Variants in RAB27A observed in about 807,000 individuals in gnomAD.
RAB27A encodes RAB27A, member RAS oncogene family.
RAB27A carries 17 observed loss-of-function variants against 20.8 expected under a neutral mutation model. The ratio of observed to expected loss-of-function variants is 0.82; its 90% CI spans 0.56 to 1.23. The LOEUF is 1.23. Ranked by LOEUF, RAB27A falls within the 50% of genes most tolerant of loss-of-function variation. RAB27A has a pLI of 0.00. For synonymous variants in RAB27A, 85 were observed against 92.8 expected (o/e 0.92, Z 0.48); for missense variants, 277 against 266.7 (o/e 1.04, Z -0.27).
At chr15:55,223,787 G>A in intron 6 of RAB27A, 102 bp downstream of exon 6, 3 of 1,410,114 alleles carry the variant, frequency 2.1e-6, no homozygotes, top group Admixed American at 1.7e-5. Flanking sequence ...CTATGGCTGA[G>A]GTTTTGCTTT....
At chr15:55,272,103 A>G (rs1426823313) in intron 1 of RAB27A, among the ~76,000 whole-genome samples, 1 of 152,190 alleles carries the variant, frequency 6.6e-6, no homozygotes, top group Non-Finnish European at 1.5e-5. Context: ...ACAAGTTCAT[A>G]TTAGCACTTC....
In RAB27A at chr15:55,234,782, C is replaced by T. The variant is rs1331587655; in HGVS notation, c.153G>A (p.Val51=). The change falls in exon 3 of 7, where the codon GTG becomes GTA. Residue 51 remains valine (V), a splice_region_variant and synonymous_variant. Transcript: ENST00000336787. The part of the protein sequence containing the change: ...TVGIDFREKR[V]VYRASGPDGA... ...TTACATAGAAGGATATAGAACTTAC[C>T]ACTCTTTTTTCCCTGAAATCAATGC... is the stretch of plus-strand genomic sequence containing the variant. The T allele has an allele frequency of 2.5e-6, 4 of 1,608,528 alleles. No individual in the cohort carries two copies. The highest frequency in any genetic ancestry group is 1.3e-5 in the African/African-American group (1 of 74,834).
chr15:55,280,681 C>T (rs1283366490), intron 1 of RAB27A, among the ~76,000 whole-genome samples: 1 of 151,778 alleles, frequency 6.6e-6, no homozygotes, highest in Non-Finnish European at 1.5e-5. Flanking sequence ...TGAGAGGCCC[C>T]GGTGTGTGAT....
chr15:55,224,029 G>C lies in RAB27A; in HGVS notation c.344-17C>G, dbSNP rs1422880460. ...GTAGCTGGCCTATTAATATAAGAAA[G>C]TTTATTATATATGTAAATAATAATG... On this transcript the variant is annotated splice_polypyrimidine_tract_variant and intron_variant, in intron 5 of 6. Transcript: ENST00000336787. The C allele has an allele frequency of 6.6e-7, 1 of 1,526,446 alleles. No individual in the cohort carries two copies. Among genetic ancestry groups the C allele is most frequent in the Non-Finnish European group, 9.1e-7 (1 of 1,102,370 alleles). The allele number at this position is 1,526,446 out of a possible 1,614,324, so 94.6% of individuals were successfully genotyped here. A position where few individuals can be genotyped will look rare whatever the true frequency, so the allele number is the denominator to read the frequency against.
intron 6 of RAB27A, among the ~76,000 whole-genome samples, chr15:55,208,353 C>A (rs1894752387): frequency 6.6e-6 from 1 of 152,086 alleles, no homozygotes; most frequent in Non-Finnish European, 1.5e-5. Context: ...TAAAAGTAAC[C>A]GAAAATTGTG....
At chr15:55,244,508 C>T (rs546539511) in intron 2 of RAB27A, among the ~76,000 whole-genome samples, 10 of 152,084 alleles carry the variant, frequency 6.6e-5, no homozygotes, top group East Asian at 1.9e-4. Flanking sequence ...GGGGAGATGA[C>T]GTCTCCCTAT....
rs537889492 is a variant in RAB27A at position 55,307,923 on chromosome 15, G to A, written c.-112+6116C>T. Among the ~76,000 whole-genome samples the A allele has an allele frequency of 2.6e-5, 4 of 151,924 alleles. No individual in the cohort carries two copies. In the South Asian group the frequency reaches 8.3e-4, roughly 32 times the overall value. ...GGGTGCTATCAATGCCTAAGTGAAA[G>A]GTTTGCTGAAGGGTTTTAAGTAATT... On this transcript the variant is annotated intron_variant, in intron 2 of 5. Transcript: ENST00000563262.
upstream of RAB27A, among the ~76,000 whole-genome samples, chr15:55,292,329 A>G (rs182056441): frequency 2.6e-5 from 4 of 152,348 alleles, no homozygotes; most frequent in Admixed American, 2.6e-4. Context: ...AAAGCGATTA[A>G]GCAGTCTGAC....
intron 6 of RAB27A, among the ~76,000 whole-genome samples, chr15:55,218,808 T>A (rs1282105399): frequency 6.6e-6 from 1 of 151,758 alleles, no homozygotes; most frequent in African/African-American, 2.4e-5. Context: ...AATGGTGTGA[T>A]CTTGGCTCAC....
At chr15:55,235,698 C>A (rs1191241371) in intron 2 of RAB27A, among the ~76,000 whole-genome samples, 3 of 151,974 alleles carry the variant, frequency 2.0e-5, no homozygotes, top group Non-Finnish European at 4.4e-5. Context: ...TCTCCTAGTG[C>A]TAAAATTTGC....
At chr15:55,261,841 C>T (rs1472474604) in intron 2 of RAB27A, among the ~76,000 whole-genome samples, 1 of 151,200 alleles carries the variant, frequency 6.6e-6, no homozygotes, top group Non-Finnish European at 1.5e-5. Context: ...AGTTCAAAAC[C>T]AGCCTGGCCA....
upstream of RAB27A, among the ~76,000 whole-genome samples, chr15:55,291,307 G>A (rs183721689): frequency 1.3e-5 from 2 of 151,970 alleles, no homozygotes; most frequent in African/African-American, 4.8e-5. Context: ...TCAGGAGATC[G>A]AGACCATCCT....
At chr15:55,277,610 T>C (rs1214601961) in intron 1 of RAB27A, among the ~76,000 whole-genome samples, 1 of 152,156 alleles carries the variant, frequency 6.6e-6, no homozygotes, top group Non-Finnish European at 1.5e-5. Context: ...CCCCTTCCGA[T>C]GCACTGTTTT....
intron 1 of RAB27A, chr15:55,318,881 A>G (rs1047907741): frequency 5.0e-6 from 1 of 199,520 alleles, no homozygotes; most frequent in Non-Finnish European, 1.0e-5. Flanking sequence ...GTTAACACCA[A>G]CACTGACGTC....
chr15:55,223,278 G>C (rs146357192), intron 6 of RAB27A, among the ~76,000 whole-genome samples: 1 of 151,978 alleles, frequency 6.6e-6, no homozygotes, highest in African/African-American at 2.4e-5. Flanking sequence ...AGGCTGAGGC[G>C]GGTGGGTCAC....
At chr15:55,253,971 G>C (rs1263254059) in intron 2 of RAB27A, among the ~76,000 whole-genome samples, 1 of 152,010 alleles carries the variant, frequency 6.6e-6, no homozygotes, top group African/African-American at 2.4e-5. Context: ...GAGTGTTCAG[G>C]GGAAATCACA....
At chr15:55,290,781 C>T (rs1898287907), upstream of RAB27A, among the ~76,000 whole-genome samples, 1 of 152,236 alleles carries the variant, frequency 6.6e-6, no homozygotes, top group Admixed American at 6.5e-5. Context: ...AGCCCTTGGG[C>T]CTGTCCCTAT....
chr15:55,259,180 G>T (rs1897187689), intron 2 of RAB27A, among the ~76,000 whole-genome samples: 1 of 151,844 alleles, frequency 6.6e-6, no homozygotes, highest in Non-Finnish European at 1.5e-5. Flanking sequence ...AGTTATGTAT[G>T]TTGCAAATAT....
In RAB27A at chr15:55,228,602, C is replaced by T; in HGVS notation, c.343+7G>A. ...GTAGCAGGACACTGGGGAACAATAACACTTACTTATCCAGTTTCTGACATT... is the reference window on the plus strand; with the variant it reads ...GTAGCAGGACACTGGGGAACAATAATACTTACTTATCCAGTTTCTGACATT... On this transcript the variant is annotated splice_region_variant and intron_variant, in intron 5 of 6. Coordinates refer to ENST00000336787, the MANE Select transcript of RAB27A (RefSeq NM_183235.3). 2.5e-6 allele frequency: 4 copies of T among 1,574,458 alleles called. No homozygotes were observed. The highest frequency in any genetic ancestry group is 3.5e-6 in the Non-Finnish European group (4 of 1,143,958).
Sources: allele counts gnomAD v4.1 joint callset (sites outside exome capture counted in the v4.1 genomes callset), GRCh38; gene constraint gnomAD v4.1.1; transcripts MANE v1.5; gene names NCBI Gene and HGNC (gene_info 2026-07-23, HGNC 2026-07-21).